The following TRHDE variants were observed in gnomAD, a reference collection of about 807,000 sequenced individuals.
TRHDE encodes thyrotropin-releasing hormone-degrading ectoenzyme.
TRHDE carries 72 observed loss-of-function variants against 125.7 expected under a neutral mutation model. That is an observed-to-expected ratio of 0.57 (90% CI 0.47 to 0.70). TRHDE has a LOEUF of 0.70. TRHDE is among the 30% of genes least tolerant of loss of function. The probability of loss-of-function intolerance (pLI) is 0.00; values close to 1 mark genes in which losing one functional copy is unlikely to be tolerated. For missense variants in TRHDE, 1,110 were observed against 1,327.1 expected, an observed-to-expected ratio of 0.84 and a Z score of 2.54; for synonymous variants, 509 against 509.1, an observed-to-expected ratio of 1.00 and a Z score of 0.00.
intron 13 of TRHDE, among the ~76,000 whole-genome samples, chr12:72,620,516 C>A (rs191599522): frequency 2.0e-5 from 3 of 151,550 alleles, no homozygotes; most frequent in Non-Finnish European, 2.9e-5. Flanking sequence ...AGAGTGGAGA[C>A]CCTGTCTAAA....
At chr12:72,447,984 G>GA (rs1042530481) in intron 3 of TRHDE, among the ~76,000 whole-genome samples, 19 of 152,122 alleles carry the variant, frequency 1.2e-4, no homozygotes, top group African/African-American at 4.1e-4. Flanking sequence ...CCTCTGTAAA[G>GA]AAAAAAGTAG....
intron 7 of TRHDE, among the ~76,000 whole-genome samples, chr12:72,550,296 C>G (rs1430371405): frequency 6.6e-6 from 1 of 151,976 alleles, no homozygotes; most frequent in Admixed American, 6.6e-5. Context: ...AAAACTGTCT[C>G]TGACTCTTTG....
chr12:72,100,824 A>G (rs1875049972), intron 1 of TRHDE, among the ~76,000 whole-genome samples: 1 of 152,148 alleles, frequency 6.6e-6, no homozygotes, highest in African/African-American at 2.4e-5. Flanking sequence ...ACCCCCTCAC[A>G]TATATGACAG....
At chr12:72,311,090 T>C (rs1868520809) in intron 2 of TRHDE, among the ~76,000 whole-genome samples, 2 of 152,160 alleles carry the variant, frequency 1.3e-5, no homozygotes, top group African/African-American at 4.8e-5. Flanking sequence ...ATGCATATAG[T>C]CATTAACCAC....
chr12:72,633,568 A>C (rs1873587194), intron 15 of TRHDE, among the ~76,000 whole-genome samples: 1 of 152,014 alleles, frequency 6.6e-6, no homozygotes, highest in Non-Finnish European at 1.5e-5. Flanking sequence ...AAACAGAACC[A>C]CCCTAGCTTC....
intron 5 of TRHDE, among the ~76,000 whole-genome samples, chr12:72,495,824 A>ATTTTCTTTAC (rs552224227): frequency 6.6e-6 from 1 of 152,118 alleles, no homozygotes; most frequent in Non-Finnish European, 1.5e-5. Flanking sequence ...ATTTACTCAC[A>ATTTTCTTTAC]TTTTCTTTAC....
At chr12:72,608,493 C>T (rs1872530942) in intron 12 of TRHDE, among the ~76,000 whole-genome samples, 1 of 152,076 alleles carries the variant, frequency 6.6e-6, no homozygotes, top group African/African-American at 2.4e-5. Context: ...CTGAAACAGC[C>T]TCTGTAGGCC....
intron 3 of TRHDE, among the ~76,000 whole-genome samples, chr12:72,461,293 T>C (rs2135885516): frequency 6.6e-6 from 1 of 152,312 alleles, no homozygotes; most frequent in East Asian, 1.9e-4. Flanking sequence ...GGTAGGAATG[T>C]ATCTAAGGAT....
chr12:72,512,442 A>G (rs900421887), intron 6 of TRHDE, among the ~76,000 whole-genome samples: 1 of 139,634 alleles, frequency 7.2e-6, no homozygotes, highest in South Asian at 2.1e-4. Flanking sequence ...ATAATATGTT[A>G]TAATTATATA....
intron 2 of TRHDE, among the ~76,000 whole-genome samples, chr12:72,374,751 A>G (rs1871795618): frequency 6.6e-6 from 1 of 152,142 alleles, no homozygotes; most frequent in African/African-American, 2.4e-5. Context: ...TGGATTTGGT[A>G]TCTTGAGGCC....
At chr12:72,652,535 C>A (rs1397029493) in intron 16 of TRHDE, 46 bp downstream of exon 16, 1 of 1,461,186 alleles carries the variant, frequency 6.8e-7, no homozygotes, top group Non-Finnish European at 9.3e-7. Context: ...TGAAAGTATT[C>A]TGTTAATCAA....
At chr12:72,462,748 A>G (rs371517694) in intron 3 of TRHDE, among the ~76,000 whole-genome samples, 1 of 152,124 alleles carries the variant, frequency 6.6e-6, no homozygotes, top group Non-Finnish European at 1.5e-5. Flanking sequence ...GTTATTCTTT[A>G]ACATACCATG....
intron 5 of TRHDE, among the ~76,000 whole-genome samples, chr12:72,495,444 C>A (rs1265311370): frequency 6.6e-6 from 1 of 151,990 alleles, no homozygotes; most frequent in Non-Finnish European, 1.5e-5. Context: ...CAGATTTGCC[C>A]TTTTTTAGCT....
intron 2 of TRHDE, among the ~76,000 whole-genome samples, chr12:72,142,301 CT>C (rs889830812): frequency 6.6e-6 from 1 of 152,180 alleles, no homozygotes; most frequent in African/African-American, 2.4e-5. Flanking sequence ...CCATGGGTTC[CT>C]TTTTTTCTTT....
rs116415580 is a variant in TRHDE, at chr12:72,620,447, T to C, written c.2470-661T>C. Among the ~76,000 whole-genome samples, 683 of 151,732 alleles carry C rather than the reference T, an allele frequency of 4.5e-3. 5 individuals are homozygous for C. The highest frequency in any genetic ancestry group is 0.014 in the Middle Eastern group (4 of 288). On this transcript the variant is annotated intron_variant, in intron 13 of 18. Transcript: ENST00000261180. ...CTGAGGTGGGAGGATGGCTTGAATCTGAGAGGCGGAGGATGCAGTGAGCCG... is the reference window on the plus strand; with the variant it reads ...CTGAGGTGGGAGGATGGCTTGAATCCGAGAGGCGGAGGATGCAGTGAGCCG...
At position 72,666,069 on chromosome 12, in the gene TRHDE, A is replaced by G. The variant is rs1347562933; in HGVS notation, c.*2874A>G. On this transcript the variant is annotated 3_prime_UTR_variant, in exon 19 of 19. Transcript: ENST00000261180. ...TGTGATAGTATTATTTACAAATATT[A>G]TAAGTATAATATCTTGTGAGGCTAT... 6.7e-6 allele frequency: 1 copy of G among 148,208 alleles called. No homozygotes were observed. The highest frequency in any genetic ancestry group is 1.5e-5 in the Non-Finnish European group (1 of 67,990). 9.2% of individuals were successfully genotyped at this position (148,208 alleles called of 1,614,324 possible). A position where few individuals can be genotyped will look rare whatever the true frequency, so the allele number is the denominator to read the frequency against.
intron 6 of TRHDE, among the ~76,000 whole-genome samples, chr12:72,516,759 C>G (rs1383503865): frequency 6.6e-6 from 1 of 151,884 alleles, no homozygotes; most frequent in Non-Finnish European, 1.5e-5. Flanking sequence ...TTTGCCCATT[C>G]AGTATGATAT....
chr12:72,256,800 T>C (rs1336080063), intron 2 of TRHDE: 1 of 152,148 alleles, frequency 6.6e-6, no homozygotes, highest in Non-Finnish European at 1.5e-5. Flanking sequence ...TGCAGTCCTT[T>C]GAGAGATGTG....
intron 4 of TRHDE, 102 bp downstream of exon 4, chr12:72,470,014 T>C (rs1876566750): frequency 8.3e-7 from 1 of 1,206,462 alleles, no homozygotes; most frequent in South Asian, 1.5e-5. Context: ...CAAAGAAGTT[T>C]TAATTTTATA....
Sources: allele counts gnomAD v4.1 joint callset (sites outside exome capture counted in the v4.1 genomes callset), GRCh38; gene constraint gnomAD v4.1.1; transcripts MANE v1.5; gene names NCBI Gene and HGNC (gene_info 2026-07-23, HGNC 2026-07-21).